Variants in CRY1 observed in about 807,000 individuals in gnomAD.
CRY1 encodes the protein cryptochrome circadian regulator 1, also known as cryptochrome-1.
CRY1 carries 45 observed loss-of-function variants against 76.0 expected under a neutral mutation model. The ratio of observed to expected loss-of-function variants is 0.59; its 90% CI spans 0.47 to 0.76. The LOEUF is 0.76. Among genes scored for constraint, CRY1 ranks in the 30% least tolerant of loss-of-function variants. The pLI is 0.00. For missense variants in CRY1, 587 were observed against 716.4 expected (o/e 0.82, Z 2.06); for synonymous variants, 248 against 244.0 (o/e 1.02, Z -0.15).
At position 107,005,205 on chromosome 12, in the gene CRY1, G is replaced by T; in HGVS notation, c.311C>A (p.Pro104His). Residue 104 changes from proline to histidine, a missense_variant, in exon 3 of 13, where the codon CCC (proline) becomes CAC (histidine). Pro to His is a moderately conservative substitution (Grantham distance 77). Coordinates refer to ENST00000008527, the MANE Select transcript of CRY1 (RefSeq NM_004075.5). ...TKLSIEYDSEPFGKERDAAIK... is the reference protein window; with the variant it reads ...TKLSIEYDSEHFGKERDAAIK... ...AGCTGCGTCTCGTTCCTTTCCAAAG[G>T]GCTCAGAATCATACTCAATTGAAAG... 1 of 1,613,440 alleles carries T rather than the reference G, an allele frequency of 6.2e-7. No individual in the cohort carries two copies. The highest frequency in any genetic ancestry group is 1.1e-5 in the South Asian group (1 of 91,036).
At chr12:107,071,899 A>G (rs1341621454) in intron 1 of CRY1, among the ~76,000 whole-genome samples, 2 of 152,204 alleles carry the variant, frequency 1.3e-5, no homozygotes, top group African/African-American at 4.8e-5. Context: ...GAAACCTAGA[A>G]TAACCAATAA....
intron 1 of CRY1, among the ~76,000 whole-genome samples, chr12:107,055,502 G>A (rs1016972572): frequency 4.6e-5 from 7 of 152,064 alleles, no homozygotes; most frequent in Non-Finnish European, 8.8e-5. Flanking sequence ...AAATTGAATA[G>A]GCTAAATAGG....
At chr12:107,038,430 T>C (rs564845834) in intron 1 of CRY1, among the ~76,000 whole-genome samples, 1 of 152,154 alleles carries the variant, frequency 6.6e-6, no homozygotes, top group South Asian at 2.1e-4. Flanking sequence ...ACAGAAGCAG[T>C]GGCAAAGGAT....
At chr12:107,056,903 G>C (rs1450551593) in intron 1 of CRY1, among the ~76,000 whole-genome samples, 4 of 151,960 alleles carry the variant, frequency 2.6e-5, no homozygotes, top group Admixed American at 2.6e-4. Flanking sequence ...TATTCATGAA[G>C]ATATCTTTCA....
At chr12:106,999,899 T>G (rs751328387) in intron 6 of CRY1, 37 bp from the exon 7 acceptor site, 30 of 1,588,384 alleles carry the variant, frequency 1.9e-5, no homozygotes, top group Non-Finnish European at 2.6e-5. Flanking sequence ...ATCAGAATTT[T>G]TTTTTAAAGT....
intron 1 of CRY1, among the ~76,000 whole-genome samples, chr12:107,064,352 T>C (rs1464194232): frequency 6.6e-6 from 1 of 152,108 alleles, no homozygotes; most frequent in Non-Finnish European, 1.5e-5. Context: ...AATAAGTACA[T>C]TAAAACAGAC....
chr12:107,048,363 C>A (rs369793006), intron 1 of CRY1, among the ~76,000 whole-genome samples: 1 of 152,060 alleles, frequency 6.6e-6, no homozygotes, highest in Non-Finnish European at 1.5e-5. Flanking sequence ...TACAGGCGTG[C>A]GCTACTGTGC....
chr12:107,019,761 C>CA (rs1015888304), intron 2 of CRY1, among the ~76,000 whole-genome samples: 60 of 147,628 alleles, frequency 4.1e-4, no homozygotes, highest in African/African-American at 1.3e-3. Flanking sequence ...GACTACCAAA[C>CA]AAAAAAAAAA....
At chr12:107,059,404 T>C (rs908679537) in intron 1 of CRY1, among the ~76,000 whole-genome samples, 1 of 152,092 alleles carries the variant, frequency 6.6e-6, no homozygotes, top group Non-Finnish European at 1.5e-5. Flanking sequence ...GGCACCACCA[T>C]ACTTGTCTAA....
Position 107,031,916 on chromosome 12 carries a change from C to T in CRY1, c.159-9724G>A, listed in dbSNP as rs1218130426. ...AATAAAGTCTGGAGTTTAGTTAGTACTATGGTTTCTTTTTCTTTTCTTTTC... is the reference window on the plus strand; with the variant it reads ...AATAAAGTCTGGAGTTTAGTTAGTATTATGGTTTCTTTTTCTTTTCTTTTC... On this transcript the variant is annotated intron_variant, in intron 1 of 12. Coordinates refer to ENST00000008527, the MANE Select transcript of CRY1 (RefSeq NM_004075.5). Among the ~76,000 whole-genome samples the T allele has an allele frequency of 2.6e-5, 4 of 152,102 alleles. No homozygotes were observed. The East Asian group carries it at 7.7e-4, about 29-fold the overall frequency.
At chr12:106,994,203 G>C (rs533656230) in intron 10 of CRY1, among the ~76,000 whole-genome samples, 1 of 152,170 alleles carries the variant, frequency 6.6e-6, no homozygotes, top group Non-Finnish European at 1.5e-5. Context: ...TTCAAATGGG[G>C]CAGAAACCTG....
Position 107,024,410 on chromosome 12 carries a change from CT to C in CRY1, c.159-2219del, listed in dbSNP as rs879273386. ...ATTCCGAATGCTTTTAATAAACATT[CT>C]TTTTTTTTTTTTGGAGACAGGATTG... On this transcript the variant is annotated intron_variant, in intron 1 of 12. Transcript: ENST00000008527. Among the ~76,000 whole-genome samples, 420 of 144,916 alleles carry C rather than the reference CT, an allele frequency of 2.9e-3. 1 individual carries two copies. The highest frequency in any genetic ancestry group is 3.3e-3 in the African/African-American group (130 of 39,854).
chr12:107,035,129 A>C (rs1952719569), intron 1 of CRY1, among the ~76,000 whole-genome samples: 2 of 152,222 alleles, frequency 1.3e-5, no homozygotes, highest in South Asian at 2.1e-4. Flanking sequence ...TCTGTAGTCT[A>C]ACAGCCCTAT....
At chr12:107,059,313 A>G (rs2136882280) in intron 1 of CRY1, among the ~76,000 whole-genome samples, 2 of 152,272 alleles carry the variant, frequency 1.3e-5, no homozygotes, top group East Asian at 3.9e-4. Flanking sequence ...GTGCAGTAGC[A>G]TGATCACAGC....
chr12:106,999,798 T>C lies in CRY1; in HGVS notation c.890A>G (p.Tyr297Cys), dbSNP rs1952281583. 6.2e-7 allele frequency: 1 copy of C among 1,614,244 alleles called. No individual in the cohort carries two copies. The highest frequency in any genetic ancestry group is 8.5e-7 in the Non-Finnish European group (1 of 1,180,044). Residue 297 changes from tyrosine (Y) to cysteine (C), a missense_variant, in exon 7 of 13, where the codon TAT becomes TGT. Physicochemically the swap from Tyr to Cys is radical, Grantham distance 194 (BLOSUM62 -2). Coordinates refer to ENST00000008527, the MANE Select transcript of CRY1 (RefSeq NM_004075.5). ...GCGTGGATTATTTGTTGCTGCTGTA[T>C]AGAAAAATTCACGCCATAACAGTTG... The part of the protein sequence containing the change: ...YGQLLWREFF[Y>C]TAATNNPRFD...
At chr12:107,007,865 A>G (rs1952393462) in intron 2 of CRY1, among the ~76,000 whole-genome samples, 1 of 152,160 alleles carries the variant, frequency 6.6e-6, no homozygotes, top group African/African-American at 2.4e-5. Context: ...CATTATTTTA[A>G]ATCTTAGTAA....
At chr12:107,015,601 G>A (rs1209759608) in intron 2 of CRY1, among the ~76,000 whole-genome samples, 1 of 152,180 alleles carries the variant, frequency 6.6e-6, no homozygotes, top group Admixed American at 6.5e-5. Context: ...GCAACACGTA[G>A]TTACCTTTGA....
chr12:107,030,119 ATATC>A (rs1440253042), intron 1 of CRY1, among the ~76,000 whole-genome samples: 1 of 152,212 alleles, frequency 6.6e-6, no homozygotes, highest in Non-Finnish European at 1.5e-5. Context: ...AGTTCAATAA[ATATC>A]TATCTAATGA....
Position 107,000,002 on chromosome 12 carries a change from G to C in CRY1, c.765C>G (p.Leu255=), listed in dbSNP as rs752700297. The C allele has an allele frequency of 9.9e-6, 16 of 1,613,062 alleles. No homozygotes were observed. The South Asian group carries it at 1.7e-4, about 17-fold the overall frequency. The change falls in exon 6 of 13, where the codon CTC becomes CTG. Residue 255 remains leucine, a synonymous_variant. Transcript: ENST00000008527. ...LASPTGLSPY[L]RFGCLSCRLF... ...GTCGACATGACAAACAACCAAATCG[G>C]AGATAAGGACTAAGTCCAGTAGGGC...
Sources: allele counts gnomAD v4.1 joint callset (sites outside exome capture counted in the v4.1 genomes callset), GRCh38; gene constraint gnomAD v4.1.1; transcripts MANE v1.5; gene names NCBI Gene and HGNC (gene_info 2026-07-23, HGNC 2026-07-21).